DPF3: variants seen among roughly 807,000 people sequenced by gnomAD.
DPF3 encodes the protein double PHD fingers 3.
A neutral mutation model predicts 56.8 loss-of-function variants in DPF3; 18 were observed. The ratio of observed to expected loss-of-function variants is 0.32; its 90% CI spans 0.22 to 0.47. The LOEUF is 0.47. DPF3 is among the 20% of genes least tolerant of loss of function. DPF3 has a pLI of 1.00. For synonymous variants in DPF3, 188 were observed against 180.2 expected (o/e 1.04, Z -0.35); for missense variants, 403 against 488.8 (o/e 0.82, Z 1.65).
At position 72,709,039 on chromosome 14, in the gene DPF3, A is replaced by G. The variant is rs114059886; in HGVS notation, c.604+5384T>C. On this transcript the variant is annotated intron_variant, in intron 6 of 10. Transcript: ENST00000556509. ...AGCCTGCTCCTCCCATCAGCCTGAT[A>G]CCCTTCTCTCTGAAGTACACCACTG... 6.7e-3 allele frequency among the ~76,000 whole-genome samples: 1,017 copies of G among 152,298 alleles called. 19 individuals are homozygous for G. The highest frequency in any genetic ancestry group is 0.024 in the African/African-American group (979 of 41,568).
intron 1 of DPF3, among the ~76,000 whole-genome samples, chr14:72,862,918 G>A (rs1885493956): frequency 6.6e-6 from 1 of 152,020 alleles, no homozygotes; most frequent in Admixed American, 6.6e-5. Flanking sequence ...ACTGCTCTAT[G>A]TCTAGCACCC....
chr14:72,823,291 T>G (rs1167892662), intron 1 of DPF3, among the ~76,000 whole-genome samples: 1 of 152,220 alleles, frequency 6.6e-6, no homozygotes, highest in Non-Finnish European at 1.5e-5. Context: ...TAGGTCTCCC[T>G]TCTTTCAAAT....
At chr14:72,731,678 G>A (rs1889652397) in intron 4 of DPF3, 129 bp downstream of exon 4, 2 of 1,315,308 alleles carry the variant, frequency 1.5e-6, no homozygotes, top group Non-Finnish European at 2.1e-6. Flanking sequence ...GGCCACCATA[G>A]AAACAAGGCA....
chr14:72,641,242 T>G (rs1217125655), intron 8 of DPF3, among the ~76,000 whole-genome samples: 1 of 152,200 alleles, frequency 6.6e-6, no homozygotes, highest in Admixed American at 6.5e-5. Flanking sequence ...GAAGAACTCA[T>G]ACACAGATGG....
intron 8 of DPF3, among the ~76,000 whole-genome samples, chr14:72,656,101 A>G (rs928695284): frequency 2.6e-5 from 4 of 152,110 alleles, no homozygotes; most frequent in African/African-American, 7.2e-5. Context: ...CTATTAAGTG[A>G]CCCCTAATTC....
At chr14:72,892,535 G>A (rs997412153) in intron 1 of DPF3, 9 of 1,387,094 alleles carry the variant, frequency 6.5e-6, no homozygotes, top group Non-Finnish European at 8.4e-6. Context: ...GCGACGAGCT[G>A]GCGCAAACAC....
chr14:72,758,969 CTTA>C (rs923933925), intron 2 of DPF3, among the ~76,000 whole-genome samples: 14 of 152,230 alleles, frequency 9.2e-5, no homozygotes, highest in Admixed American at 3.3e-4. Context: ...GAAAATATGA[CTTA>C]TAATAAGGAG....
chr14:72,735,263 GT>G (rs1889842781), intron 3 of DPF3, among the ~76,000 whole-genome samples: 1 of 152,128 alleles, frequency 6.6e-6, no homozygotes, highest in Admixed American at 6.5e-5. Context: ...TTGTGCCATG[GT>G]TTTGGGTTCT....
At chr14:72,671,356 T>C (rs765049069) in intron 8 of DPF3, 1 of 1,610,574 alleles carries the variant, frequency 6.2e-7, no homozygotes, top group Non-Finnish European at 8.5e-7. Flanking sequence ...GTATGATGAA[T>C]ATATCAGCAC....
intron 1 of DPF3, among the ~76,000 whole-genome samples, chr14:72,837,857 C>T (rs11622224): frequency 0.54 from 81,775 of 152,132 alleles, 22,493 homozygotes; most frequent in East Asian, 0.87. Flanking sequence ...CCAGACAGTT[C>T]GTCTGCGGCC....
chr14:72,776,647 C>T (rs557446139), intron 1 of DPF3, among the ~76,000 whole-genome samples: 1 of 152,134 alleles, frequency 6.6e-6, no homozygotes, highest in Non-Finnish European at 1.5e-5. Flanking sequence ...TTCCTCCAAC[C>T]TCCTGCTCTC....
At chr14:72,843,543 A>G (rs757283062) in intron 1 of DPF3, among the ~76,000 whole-genome samples, 2 of 151,930 alleles carry the variant, frequency 1.3e-5, no homozygotes, top group Non-Finnish European at 2.9e-5. Context: ...GCTGCTAACA[A>G]TTTTTTTCTC....
Position 72,612,171 on chromosome 14 carries a change from G to C in DPF3, c.*7126C>G, listed in dbSNP as rs544582740. On this transcript the variant is annotated 3_prime_UTR_variant, in exon 11 of 11. Transcript: ENST00000556509. ...GGGTGGACAACCATGGCAGATGAGT[G>C]GGGGGCAGCTTGGATGGACTCTGTT... Among the ~76,000 whole-genome samples the C allele has an allele frequency of 2.6e-5, 4 of 152,156 alleles. No individual in the cohort carries two copies. Among genetic ancestry groups the C allele is most frequent in the Non-Finnish European group, 2.9e-5 (2 of 68,032 alleles).
intron 8 of DPF3, among the ~76,000 whole-genome samples, chr14:72,664,102 T>C (rs1302354183): frequency 6.6e-6 from 1 of 152,008 alleles, no homozygotes; most frequent in Non-Finnish European, 1.5e-5. Flanking sequence ...TCTAGCTCCT[T>C]CCCTTGACTG....
intron 8 of DPF3, among the ~76,000 whole-genome samples, chr14:72,665,527 C>G (rs1253091966): frequency 6.6e-6 from 1 of 152,208 alleles, no homozygotes; most frequent in African/African-American, 2.4e-5. Flanking sequence ...CTAAGGTATT[C>G]TAACCAAAAT....
At chr14:72,795,289 A>T (rs867846939) in intron 1 of DPF3, among the ~76,000 whole-genome samples, 1,806 of 119,038 alleles carry the variant, frequency 0.015, 7 homozygotes, top group Middle Eastern at 0.023. Context: ...AAAAAAAAAA[A>T]AAAAAAATAT....
chr14:72,723,562 G>T, intron 5 of DPF3, 71 bp downstream of exon 5: 1 of 1,276,366 alleles, frequency 7.8e-7, no homozygotes, highest in Non-Finnish European at 1.1e-6. Context: ...TAGCTGCAGT[G>T]GAGATCAATC....
In DPF3 at chr14:72,617,544, A is replaced by G. The variant is rs1436539121; in HGVS notation, c.*1753T>C. ...GGTCGGGGGCCCTTTAAATGAGACC[A>G]TTATGTATGTGTGTGATTCCCTCTG... On this transcript the variant is annotated 3_prime_UTR_variant, in exon 11 of 11. Coordinates refer to ENST00000556509, the MANE Select transcript of DPF3 (RefSeq NM_001280542.3). 1.3e-5 allele frequency among the ~76,000 whole-genome samples: 2 copies of G among 152,162 alleles called. No homozygotes were observed. Among genetic ancestry groups the G allele is most frequent in the East Asian group, 3.9e-4 (2 of 5,176 alleles).
intron 1 of DPF3, among the ~76,000 whole-genome samples, chr14:72,824,875 G>A (rs528257263): frequency 6.6e-6 from 1 of 151,554 alleles, no homozygotes; most frequent in African/African-American, 2.4e-5. Context: ...ACCAGCCTAC[G>A]CTTTCCTATA....
Sources: gnomAD v4.1 joint callset for allele counts (sites outside exome capture counted in the v4.1 genomes callset) on GRCh38, gnomAD v4.1.1 for gene constraint, MANE v1.5 for transcripts, NCBI Gene and HGNC (gene_info 2026-07-23, HGNC 2026-07-21) for gene names.